Variants in CDH13 observed in about 807,000 individuals in gnomAD.
The protein encoded by CDH13 is cadherin 13.
A neutral mutation model predicts 63.8 loss-of-function variants in CDH13; 24 were observed. The ratio of observed to expected loss-of-function variants is 0.38; its 90% CI spans 0.27 to 0.53. The LOEUF is 0.53. Ranked by LOEUF, CDH13 falls within the 20% of genes least tolerant of loss-of-function variation. CDH13 has a pLI of 0.85. For synonymous variants in CDH13, 503 were observed against 355.3 expected (o/e 1.42, Z -4.67); for missense variants, 1,049 against 903.1 (o/e 1.16, Z -2.07).
intron 1 of CDH13, among the ~76,000 whole-genome samples, chr16:82,685,015 A>G (rs1322326460): frequency 6.6e-6 from 1 of 151,520 alleles, no homozygotes; most frequent in Non-Finnish European, 1.5e-5. Context: ...CACTTGAGAC[A>G]GTGTTTGCTG....
intron 5 of CDH13, among the ~76,000 whole-genome samples, chr16:83,233,135 G>A: frequency 6.6e-6 from 1 of 152,150 alleles, no homozygotes; most frequent in East Asian, 1.9e-4. Flanking sequence ...ATAATGACTA[G>A]AAAAGTCTTT....
chr16:82,687,288 G>A (rs1352119921), intron 1 of CDH13, among the ~76,000 whole-genome samples: 2 of 152,168 alleles, frequency 1.3e-5, no homozygotes, highest in South Asian at 2.1e-4. Flanking sequence ...GGGATACTGG[G>A]TGGTGGTGGG....
At chr16:83,480,696 G>C (rs2073739454) in intron 6 of CDH13, among the ~76,000 whole-genome samples, 1 of 152,120 alleles carries the variant, frequency 6.6e-6, no homozygotes, top group Non-Finnish European at 1.5e-5. Context: ...ATTCTGGTTT[G>C]CCCAGGAGTG....
At chr16:83,335,276 A>T (rs1253411591) in intron 5 of CDH13, among the ~76,000 whole-genome samples, 1 of 152,072 alleles carries the variant, frequency 6.6e-6, no homozygotes, top group African/African-American at 2.4e-5. Flanking sequence ...CACTACGGTG[A>T]TCCTTGTGTT....
intron 4 of CDH13, among the ~76,000 whole-genome samples, chr16:83,169,800 C>T (rs994609644): frequency 4.6e-5 from 7 of 152,038 alleles, no homozygotes; most frequent in Non-Finnish European, 8.8e-5. Context: ...AGATACAATA[C>T]CATTTTTTCC....
chr16:83,330,361 C>T (rs550005507), intron 5 of CDH13, among the ~76,000 whole-genome samples: 8 of 152,282 alleles, frequency 5.3e-5, no homozygotes, highest in African/African-American at 1.9e-4. Flanking sequence ...CATAGTTTCT[C>T]TCTGTATTAT....
intron 1 of CDH13, among the ~76,000 whole-genome samples, chr16:82,855,793 C>A (rs2039658529): frequency 6.6e-6 from 1 of 152,158 alleles, no homozygotes; most frequent in Admixed American, 6.5e-5. Context: ...TGATGTTGTT[C>A]AGGCCAGCCA....
chr16:82,727,920 G>A (rs1270739003), intron 1 of CDH13, among the ~76,000 whole-genome samples: 1 of 152,094 alleles, frequency 6.6e-6, no homozygotes. Flanking sequence ...TGCATGTTCT[G>A]GACACAGCCC....
At chr16:83,437,438 G>A (rs2072339858) in intron 6 of CDH13, among the ~76,000 whole-genome samples, 1 of 152,122 alleles carries the variant, frequency 6.6e-6, no homozygotes, top group East Asian at 1.9e-4. Flanking sequence ...CGCTTTGAGA[G>A]GTCGAGTCAG....
intron 2 of CDH13, chr16:82,884,203 C>T (rs1403720006): frequency 4.4e-6 from 2 of 455,886 alleles, no homozygotes; most frequent in Non-Finnish European, 8.8e-6. Context: ...TACTAGCTGA[C>T]AGACTTTTAA....
chr16:83,419,486 A>G (rs1328022206), intron 6 of CDH13, among the ~76,000 whole-genome samples: 2 of 152,216 alleles, frequency 1.3e-5, no homozygotes, highest in Non-Finnish European at 2.9e-5. Flanking sequence ...ACATCCTTAG[A>G]TCAGGAGTAA....
chr16:83,192,677 C>T (rs750166496), intron 4 of CDH13, among the ~76,000 whole-genome samples: 20 of 152,080 alleles, frequency 1.3e-4, no homozygotes, highest in Admixed American at 7.9e-4. Context: ...TGAGATGGAG[C>T]AGGTGTTTGC....
chr16:83,703,178 A>G (rs1906505912), intron 10 of CDH13, among the ~76,000 whole-genome samples: 1 of 152,270 alleles, frequency 6.6e-6, no homozygotes, highest in South Asian at 2.1e-4. Context: ...GGAAATTGGC[A>G]TAAACTTTCT....
chr16:83,101,545 C>T (rs548293312), intron 3 of CDH13, among the ~76,000 whole-genome samples: 1 of 151,988 alleles, frequency 6.6e-6, no homozygotes, highest in Non-Finnish European at 1.5e-5. Flanking sequence ...CTAAGCCCAG[C>T]ACTTTGGGAG....
At chr16:83,505,387 G>C (rs1045709789) in intron 7 of CDH13, among the ~76,000 whole-genome samples, 2 of 152,104 alleles carry the variant, frequency 1.3e-5, no homozygotes, top group African/African-American at 4.8e-5. Flanking sequence ...AATCCATGCA[G>C]ATTCCTCCCC....
chr16:82,787,339 T>C (rs1376056223), intron 1 of CDH13, among the ~76,000 whole-genome samples: 1 of 152,188 alleles, frequency 6.6e-6, no homozygotes, highest in Non-Finnish European at 1.5e-5. Flanking sequence ...ATAAACAGTA[T>C]CTCAAACAGC....
At chr16:83,056,319 ATACACATG>A (rs1315726818) in intron 3 of CDH13, among the ~76,000 whole-genome samples, 1 of 152,230 alleles carries the variant, frequency 6.6e-6, no homozygotes, top group Non-Finnish European at 1.5e-5. Context: ...AAACAAATGT[ATACACATG>A]TACACTAAAG....
chr16:83,159,983 C>A (rs368060330), intron 4 of CDH13, among the ~76,000 whole-genome samples: 1 of 151,742 alleles, frequency 6.6e-6, no homozygotes, highest in African/African-American at 2.4e-5. Flanking sequence ...GGCTGAGGCA[C>A]GAGAATTGCT....
intron 1 of CDH13, among the ~76,000 whole-genome samples, chr16:82,814,060 G>A (rs1299700665): frequency 6.6e-6 from 1 of 151,988 alleles, no homozygotes; most frequent in Admixed American, 6.6e-5. Context: ...TGACCCTGAG[G>A]GTTTTATAGT....
Sources: allele counts gnomAD v4.1 joint callset (sites outside exome capture counted in the v4.1 genomes callset), GRCh38; gene constraint gnomAD v4.1.1; transcripts MANE v1.5; gene names NCBI Gene and HGNC (gene_info 2026-07-23, HGNC 2026-07-21).